Variants in GPC6 observed in about 807,000 individuals in gnomAD.
The protein encoded by GPC6 is glypican 6.
GPC6 carries 14 observed loss-of-function variants against 55.2 expected under a neutral mutation model. The ratio of observed to expected loss-of-function variants is 0.25; its 90% CI spans 0.17 to 0.40. GPC6 has a LOEUF of 0.40. Ranked by LOEUF, GPC6 falls within the 10% of genes least tolerant of loss-of-function variation. The pLI is 1.00. For missense variants in GPC6, 641 were observed against 708.5 expected, an observed-to-expected ratio of 0.90 and a Z score of 1.08; for synonymous variants, 278 against 259.6, an observed-to-expected ratio of 1.07 and a Z score of -0.68.
intron 4 of GPC6, among the ~76,000 whole-genome samples, chr13:94,220,224 C>T (rs539112366): frequency 9.2e-5 from 14 of 152,220 alleles, no homozygotes; most frequent in African/African-American, 3.4e-4. Context: ...CTTCCCTGGA[C>T]ACAGGGCCAA....
chr13:93,744,138 A>G (rs545282498), intron 2 of GPC6, among the ~76,000 whole-genome samples: 1 of 152,114 alleles, frequency 6.6e-6, no homozygotes, highest in Non-Finnish European at 1.5e-5. Context: ...GTCACTAGAT[A>G]CATCTTCTGT....
intron 1 of GPC6, among the ~76,000 whole-genome samples, chr13:93,257,372 A>C (rs555990822): frequency 6.6e-6 from 1 of 152,316 alleles, no homozygotes; most frequent in Non-Finnish European, 1.5e-5. Context: ...CCTTTCTTAA[A>C]GGATAAAATA....
At position 93,585,897 on chromosome 13, in the gene GPC6, A is replaced by T. The variant is rs139640468; in HGVS notation, c.319+40476A>T. On this transcript the variant is annotated intron_variant, in intron 2 of 8. Transcript: ENST00000377047. ...TCTCTTGCTACTGTACCAGAATCTT[A>T]GAGCAGGCACTGTCTAGGATGAATA... is the stretch of plus-strand genomic sequence containing the variant. Among the ~76,000 whole-genome samples, 117 of 152,322 alleles carry T rather than the reference A, an allele frequency of 7.7e-4. 1 individual carries two copies. Among genetic ancestry groups the T allele is most frequent in the African/African-American group, 2.6e-3 (107 of 41,560 alleles).
chr13:93,460,319 C>T (rs1878631068), intron 1 of GPC6, among the ~76,000 whole-genome samples: 1 of 152,092 alleles, frequency 6.6e-6, no homozygotes, highest in Non-Finnish European at 1.5e-5. Context: ...AAAACTCTGG[C>T]AGTATTATCA....
chr13:93,892,087 A>G (rs1197481023), intron 3 of GPC6, among the ~76,000 whole-genome samples: 1 of 152,120 alleles, frequency 6.6e-6, no homozygotes. Context: ...TACACACTAC[A>G]CATACACACA....
At chr13:93,260,977 A>T (rs1359351969) in intron 1 of GPC6, among the ~76,000 whole-genome samples, 1 of 152,120 alleles carries the variant, frequency 6.6e-6, no homozygotes, top group African/African-American at 2.4e-5. Context: ...TATGTTTTTC[A>T]TGCTTAGGGT....
intron 3 of GPC6, among the ~76,000 whole-genome samples, chr13:93,878,588 G>A (rs945166275): frequency 2.0e-5 from 3 of 152,084 alleles, no homozygotes; most frequent in Non-Finnish European, 2.9e-5. Context: ...ATGTTGGCCA[G>A]GCTGGTCTCA....
Position 93,437,375 on chromosome 13 carries a change from G to A in GPC6, c.161-107888G>A, listed in dbSNP as rs183800713. On this transcript the variant is annotated intron_variant, in intron 1 of 8. Coordinates refer to ENST00000377047, the MANE Select transcript of GPC6 (RefSeq NM_005708.5). The stretch of plus-strand genomic sequence containing the variant: ...ACGTTGAAAGCCAAGGCAGGCTGAA[G>A]GCTAGACCTCTTGCGCCAAACAGTT... Among the ~76,000 whole-genome samples the A allele has an allele frequency of 4.6e-4, 70 of 152,310 alleles. 1 individual carries two copies. The highest frequency in any genetic ancestry group is 1.4e-3 in the Admixed American group (21 of 15,298).
chr13:93,300,430 C>G (rs909443605), intron 1 of GPC6, among the ~76,000 whole-genome samples: 8 of 151,152 alleles, frequency 5.3e-5, no homozygotes, highest in African/African-American at 1.9e-4. Flanking sequence ...GGGCGGATCA[C>G]GAGGTCAGGA....
At chr13:93,550,452 C>T (rs1282546807) in intron 2 of GPC6, among the ~76,000 whole-genome samples, 1 of 152,006 alleles carries the variant, frequency 6.6e-6, no homozygotes, top group Non-Finnish European at 1.5e-5. Context: ...TTTTGGCAGC[C>T]AGTACATTTT....
At chr13:93,940,079 T>C (rs979389906) in intron 3 of GPC6, among the ~76,000 whole-genome samples, 2 of 152,196 alleles carry the variant, frequency 1.3e-5, no homozygotes, top group African/African-American at 4.8e-5. Flanking sequence ...CCCAAAGCAC[T>C]TTATTTCAAC....
chr13:93,962,778 T>C (rs1879845346), intron 3 of GPC6, among the ~76,000 whole-genome samples: 1 of 152,144 alleles, frequency 6.6e-6, no homozygotes, highest in Non-Finnish European at 1.5e-5. Flanking sequence ...ATATGATCGC[T>C]TTTTTGCTCT....
At chr13:93,592,383 C>A (rs4773752) in intron 2 of GPC6, among the ~76,000 whole-genome samples, 132,240 of 146,152 alleles carry the variant, frequency 0.9, 60,029 homozygotes, top group African/African-American at 0.97. Context: ...ATAAACATAT[C>A]AATATATATT....
chr13:93,608,050 G>C (rs1364336098), intron 2 of GPC6, among the ~76,000 whole-genome samples: 1 of 150,956 alleles, frequency 6.6e-6, no homozygotes, highest in Non-Finnish European at 1.5e-5. Flanking sequence ...TTTTTTTCTA[G>C]TATCACTTAT....
chr13:93,475,244 A>G (rs1356106975), intron 1 of GPC6, among the ~76,000 whole-genome samples: 1 of 152,220 alleles, frequency 6.6e-6, no homozygotes, highest in Non-Finnish European at 1.5e-5. Context: ...GAACACCTCT[A>G]TTTAATAACT....
chr13:93,279,796 G>A (rs930429408), intron 1 of GPC6, among the ~76,000 whole-genome samples: 31 of 152,182 alleles, frequency 2.0e-4, no homozygotes, highest in African/African-American at 7.0e-4. Flanking sequence ...TTTCTTTAGA[G>A]ATTGAAAATA....
intron 4 of GPC6, among the ~76,000 whole-genome samples, chr13:94,057,414 C>T (rs903437213): frequency 7.9e-5 from 12 of 152,088 alleles, no homozygotes; most frequent in Non-Finnish European, 1.5e-4. Context: ...ATCACAGTCA[C>T]GAAATATTTG....
chr13:93,734,085 T>C (rs1414073599), intron 2 of GPC6, among the ~76,000 whole-genome samples: 3 of 146,914 alleles, frequency 2.0e-5, no homozygotes, highest in Non-Finnish European at 4.5e-5. Flanking sequence ...TACAGAAATG[T>C]AGGATTAGAA....
chr13:93,328,678 TA>T (rs66848105), intron 1 of GPC6, among the ~76,000 whole-genome samples: 18,583 of 135,000 alleles, frequency 0.14, 1,387 homozygotes, highest in East Asian at 0.38. Context: ...TTGTCTCAAT[TA>T]AAAAAAAAAA....
Sources: allele counts gnomAD v4.1 joint callset (sites outside exome capture counted in the v4.1 genomes callset), GRCh38; gene constraint gnomAD v4.1.1; transcripts MANE v1.5; gene names NCBI Gene and HGNC (gene_info 2026-07-23, HGNC 2026-07-21).